Variants in CASR observed in about 807,000 individuals in gnomAD.
CASR encodes the protein extracellular calcium-sensing receptor.
Under a neutral mutation model 69.1 loss-of-function variants are expected in CASR, and 23 were observed. The ratio of observed to expected loss-of-function variants is 0.33; its 90% confidence interval spans 0.24 to 0.47. CASR has a LOEUF of 0.47. Ranked by LOEUF, CASR falls within the 20% of genes least tolerant of loss-of-function variation. CASR has a pLI of 1.00. For missense variants in CASR, 924 were observed against 1,356.1 expected (o/e 0.68, Z 5.00); for synonymous variants, 541 against 544.7 (o/e 0.99, Z 0.10).
rs538815491 is a variant in CASR at position 122,266,726 on chromosome 3, C to A, written c.1377+4314C>A. ...GTTCCTTTTTAAAAGCAAAAGAAGCCAGGGGCAGTGGCTCACACCTATAGT... is the reference window on the plus strand; with the variant it reads ...GTTCCTTTTTAAAAGCAAAAGAAGCAAGGGGCAGTGGCTCACACCTATAGT... On this transcript the variant is annotated intron_variant, in intron 4 of 6. Coordinates refer to ENST00000639785, the MANE Select transcript of CASR (RefSeq NM_000388.4). Among the ~76,000 whole-genome samples, 5 of 152,000 alleles carry A rather than the reference C, an allele frequency of 3.3e-5. No individual in the cohort carries two copies. In the South Asian group the frequency reaches 1.0e-3, roughly 32 times the overall value.
At chr3:122,234,375 C>T (rs554206938) in intron 1 of CASR, among the ~76,000 whole-genome samples, 1 of 152,298 alleles carries the variant, frequency 6.6e-6, no homozygotes, top group African/African-American at 2.4e-5. Context: ...ATGTAGTTGG[C>T]TGGCCCCTGG....
At chr3:122,209,147 C>G (rs946690163) in intron 1 of CASR, among the ~76,000 whole-genome samples, 9 of 152,068 alleles carry the variant, frequency 5.9e-5, no homozygotes, top group Non-Finnish European at 1.5e-5. Context: ...TGAAAATTTG[C>G]CTTTCTAAGA....
At chr3:122,214,249 A>G (rs1342946865) in intron 1 of CASR, among the ~76,000 whole-genome samples, 2 of 147,346 alleles carry the variant, frequency 1.4e-5, no homozygotes, top group African/African-American at 5.0e-5. Context: ...ACTTTAATTT[A>G]TGCTGTCTTG....
At chr3:122,202,259 A>C (rs1278169464) in intron 1 of CASR, among the ~76,000 whole-genome samples, 10 of 152,246 alleles carry the variant, frequency 6.6e-5, no homozygotes, top group Non-Finnish European at 1.5e-4. Context: ...TCCACCAAAA[A>C]ATCCGAAAAC....
chr3:122,264,646 T>C (rs539292894), intron 4 of CASR, among the ~76,000 whole-genome samples: 2 of 152,192 alleles, frequency 1.3e-5, no homozygotes, highest in African/African-American at 4.8e-5. Context: ...ACAGCACAGA[T>C]AGGAAAATGG....
rs2074980030 is a variant in CASR, at chr3:122,287,487, C to T, written c.*2296C>T. ...CCCTCCAGCCTAGTGACAGAAACTTCATCTTAGTCGAATCGGGGTTTTCAC... is the reference window on the plus strand; with the variant it reads ...CCCTCCAGCCTAGTGACAGAAACTTTATCTTAGTCGAATCGGGGTTTTCAC... On this transcript the variant is annotated 3_prime_UTR_variant, in exon 7 of 7. Coordinates refer to ENST00000639785, the MANE Select transcript of CASR (RefSeq NM_000388.4). 6.6e-6 allele frequency: 1 copy of T among 152,224 alleles called. No homozygotes were observed. Among genetic ancestry groups the T allele is most frequent in the Admixed American group, 6.5e-5 (1 of 15,278 alleles). 9.4% of individuals were successfully genotyped at this position (152,224 alleles called of 1,614,324 possible).
intron 1 of CASR, among the ~76,000 whole-genome samples, chr3:122,240,346 C>T (rs932383609): frequency 3.9e-5 from 6 of 152,094 alleles, no homozygotes; most frequent in Admixed American, 3.9e-4. Context: ...AAAAGATATT[C>T]CATGCCAATG....
intron 1 of CASR, among the ~76,000 whole-genome samples, chr3:122,205,749 C>G: frequency 6.6e-6 from 1 of 151,268 alleles, no homozygotes; most frequent in East Asian, 1.9e-4. Context: ...TTTCTTTTAT[C>G]AGTGTTTTAT....
intron 4 of CASR, among the ~76,000 whole-genome samples, chr3:122,270,819 C>T (rs1246106843): frequency 6.6e-6 from 1 of 151,912 alleles, no homozygotes; most frequent in African/African-American, 2.4e-5. Flanking sequence ...AAACATTTTT[C>T]TGTTATTTGT....
rs565210471 is a variant in CASR at position 122,233,803 on chromosome 3, G to C, written c.-242-20145G>C. Reference sequence around the variant, plus strand: ...CTGACCCATTTGACAGTATCTAAGGGGAACAAAAATTGTTGCTGCTGCTGA... The same window carrying C: ...CTGACCCATTTGACAGTATCTAAGGCGAACAAAAATTGTTGCTGCTGCTGA... On this transcript the variant is annotated intron_variant, in intron 1 of 6. Coordinates refer to ENST00000639785, the MANE Select transcript of CASR (RefSeq NM_000388.4). Among the ~76,000 whole-genome samples, 12 of 152,236 alleles carry C rather than the reference G, an allele frequency of 7.9e-5. No individual in the cohort carries two copies. In the East Asian group the frequency reaches 2.3e-3, roughly 29 times the overall value.
At chr3:122,191,780 G>T (rs528551422) in intron 1 of CASR, among the ~76,000 whole-genome samples, 2 of 152,324 alleles carry the variant, frequency 1.3e-5, no homozygotes, top group East Asian at 3.9e-4. Context: ...GTAGCCAAAG[G>T]TTGTAATGGT....
chr3:122,195,181 A>T (rs974353269), intron 1 of CASR, among the ~76,000 whole-genome samples: 4 of 152,076 alleles, frequency 2.6e-5, no homozygotes, highest in Non-Finnish European at 2.9e-5. Flanking sequence ...CTCCTTTTGT[A>T]ATTTTCCCAC....
chr3:122,267,359 T>C (rs2074706308), intron 4 of CASR, among the ~76,000 whole-genome samples: 3 of 152,250 alleles, frequency 2.0e-5, no homozygotes, highest in South Asian at 2.1e-4. Flanking sequence ...CACACTCATG[T>C]GATTTTATTT....
At chr3:122,218,432 G>A (rs1322234274) in intron 1 of CASR, among the ~76,000 whole-genome samples, 2 of 151,704 alleles carry the variant, frequency 1.3e-5, no homozygotes, top group Non-Finnish European at 2.9e-5. Context: ...TACTCGGGAG[G>A]CTGAGGCAGG....
intron 4 of CASR, among the ~76,000 whole-genome samples, chr3:122,266,312 TG>T (rs1432380416): frequency 1.3e-5 from 2 of 152,058 alleles, no homozygotes; most frequent in Admixed American, 1.3e-4. Context: ...AGTGCATGCA[TG>T]TCCTGTATTT....
At chr3:122,196,853 A>T (rs907067618) in intron 1 of CASR, among the ~76,000 whole-genome samples, 3 of 152,196 alleles carry the variant, frequency 2.0e-5, no homozygotes, top group African/African-American at 7.2e-5. Context: ...TATATGTTTA[A>T]GATGTATAAT....
In CASR at chr3:122,261,735, G is replaced by T; in HGVS notation, c.700G>T (p.Asp234Tyr). 1 of 1,614,220 alleles carries T rather than the reference G, an allele frequency of 6.2e-7. No homozygotes were observed. Among genetic ancestry groups the T allele is most frequent in the Non-Finnish European group, 8.5e-7 (1 of 1,180,026 alleles). Residue 234 changes from aspartate to tyrosine, a missense_variant, in exon 4 of 7, where the codon GAT becomes TAT. Asp to Tyr is a radical substitution (Grantham distance 160). This residue lies in a region of CASR where 141 missense variants were observed against 283.0 expected (regional missense o/e 0.50). Transcript: ENST00000639785. ...EKFREEAEER[D>Y]ICIDFSELIS... ...ATTCCGAGAGGAAGCTGAGGAAAGG[G>T]ATATCTGCATCGACTTCAGTGAACT...
rs1353910174 is a variant in CASR at position 122,284,348 on chromosome 3, G to A, written c.2394G>A (p.Pro798=). Residue 798 remains proline (P), a synonymous_variant, in exon 7 of 7, where the codon CCG becomes CCA. Coordinates refer to ENST00000639785, the MANE Select transcript of CASR (RefSeq NM_000388.4). ...TTGCCTTCAAGTCCCGGAAGCTGCC[G>A]GAGAACTTCAATGAAGCCAAGTTCA... ...FFFAFKSRKL[P]ENFNEAKFIT... The A allele has an allele frequency of 1.9e-6, 3 of 1,614,014 alleles. No individual in the cohort carries two copies. The highest frequency in any genetic ancestry group is 1.1e-5 in the South Asian group (1 of 91,086).
chr3:122,205,252 A>G (rs1009103263), intron 1 of CASR, among the ~76,000 whole-genome samples: 2 of 152,120 alleles, frequency 1.3e-5, no homozygotes, highest in African/African-American at 4.8e-5. Flanking sequence ...ATTTTGGTGT[A>G]TGGTGAGAGA....
Sources: gnomAD v4.1 joint callset for allele counts (sites outside exome capture counted in the v4.1 genomes callset) on GRCh38, gnomAD v4.1.1 for gene constraint, gnomAD v4.1.1 regional missense constraint, MANE v1.5 for transcripts, NCBI Gene and HGNC (gene_info 2026-07-23, HGNC 2026-07-21) for gene names.